The following UBE2W variants were observed in gnomAD, a reference collection of about 807,000 sequenced individuals.
The protein encoded by UBE2W is ubiquitin conjugating enzyme E2 W, also known as ubiquitin-conjugating enzyme E2 W.
In UBE2W, 18 loss-of-function variants were observed where a neutral mutation model predicts 27.2. The observed-to-expected ratio is 0.66, with a 90% CI of 0.46 to 0.98. UBE2W has a LOEUF of 0.98. Ranked by LOEUF, UBE2W falls within the 50% of genes least tolerant of loss-of-function variation. UBE2W has a pLI of 0.00. For synonymous variants in UBE2W, 53 were observed against 57.2 expected, an observed-to-expected ratio of 0.93 and a Z score of 0.33; for missense variants, 90 against 180.2, an observed-to-expected ratio of 0.50 and a Z score of 2.87.
At position 73,791,833 on chromosome 8, in the gene UBE2W, T is replaced by G; in HGVS notation, c.*2269A>C. ...TTTCATTTTCCTCTACTTTCCTCTG[T>G]GTCATTTTAGTTTACTTTATGGTAT... is the stretch of plus-strand genomic sequence containing the variant. On this transcript the variant is annotated 3_prime_UTR_variant, in exon 6 of 6. Transcript: ENST00000602593. 1 of 984,866 alleles carries G rather than the reference T, an allele frequency of 1.0e-6. No homozygotes were observed. The allele number at this position is 984,866 out of a possible 1,614,324, so 61.0% of individuals were successfully genotyped here.
chr8:73,838,752 T>G (rs1482951541), intron 1 of UBE2W, among the ~76,000 whole-genome samples: 2 of 152,196 alleles, frequency 1.3e-5, no homozygotes, highest in African/African-American at 4.8e-5. Flanking sequence ...TACCCACTTC[T>G]CCCTATTTTG....
intron 1 of UBE2W, among the ~76,000 whole-genome samples, chr8:73,833,478 G>A (rs1183091516): frequency 6.6e-6 from 1 of 152,014 alleles, no homozygotes; most frequent in African/African-American, 2.4e-5. Flanking sequence ...ATCGTTTATA[G>A]TAGAACATCA....
At chr8:73,805,459 A>AAACAAAACAAAAC (rs1808841945) in intron 5 of UBE2W, among the ~76,000 whole-genome samples, 192 bp downstream of exon 5, 3 of 134,564 alleles carry the variant, frequency 2.2e-5, no homozygotes, top group African/African-American at 8.2e-5. Flanking sequence ...CATCTCAAAA[A>AAACAAAACAAAAC]AAAAAAAAAA....
intron 3 of UBE2W, among the ~76,000 whole-genome samples, chr8:73,811,323 G>C (rs1221279374): frequency 1.3e-5 from 2 of 152,040 alleles, no homozygotes; most frequent in Non-Finnish European, 2.9e-5. Context: ...GCAATGTTTT[G>C]AATGGTAATA....
chr8:73,845,538 T>G (rs1220632751), intron 1 of UBE2W, among the ~76,000 whole-genome samples: 2 of 152,098 alleles, frequency 1.3e-5, no homozygotes, highest in African/African-American at 4.8e-5. Context: ...CACCACTCCC[T>G]AATCTCAAGT....
intron 1 of UBE2W, among the ~76,000 whole-genome samples, chr8:73,840,128 C>T (rs1475558136): frequency 6.6e-6 from 1 of 152,020 alleles, no homozygotes; most frequent in East Asian, 1.9e-4. Flanking sequence ...GCGATCTCGG[C>T]TCACTGCAAA....
intron 2 of UBE2W, among the ~76,000 whole-genome samples, chr8:73,827,274 C>T (rs974842142): frequency 6.6e-6 from 1 of 151,766 alleles, no homozygotes; most frequent in Non-Finnish European, 1.5e-5. Context: ...AGTGCAATGG[C>T]GTGATCTCGG....
At chr8:73,817,196 T>C (rs1809428537) in intron 3 of UBE2W, among the ~76,000 whole-genome samples, 1 of 151,688 alleles carries the variant, frequency 6.6e-6, no homozygotes, top group Non-Finnish European at 1.5e-5. Flanking sequence ...GGTGTGGTGG[T>C]GCACGCTTGT....
At chr8:73,834,730 G>A (rs1366002476) in intron 1 of UBE2W, among the ~76,000 whole-genome samples, 1 of 152,064 alleles carries the variant, frequency 6.6e-6, no homozygotes, top group Non-Finnish European at 1.5e-5. Context: ...GCAACATGGC[G>A]AAACCTCGTC....
At chr8:73,827,961 A>T (rs1482399570) in intron 2 of UBE2W, among the ~76,000 whole-genome samples, 1 of 152,218 alleles carries the variant, frequency 6.6e-6, no homozygotes, top group Non-Finnish European at 1.5e-5. Context: ...GGTATATTTC[A>T]TTCTAGTCAT....
Position 73,790,641 on chromosome 8 carries a change from A to T in UBE2W, c.*3461T>A, listed in dbSNP as rs1808151350. Reference sequence around the variant, plus strand: ...GACACTGAATTCTTTATTTAAAAAAATTTTTGTAACACACAGTACCTCCTC... The same window carrying T: ...GACACTGAATTCTTTATTTAAAAAATTTTTTGTAACACACAGTACCTCCTC... On this transcript the variant is annotated 3_prime_UTR_variant, in exon 6 of 6. Transcript: ENST00000602593. The T allele has an allele frequency of 3.0e-6, 3 of 984,732 alleles. No homozygotes were observed. Among genetic ancestry groups the T allele is most frequent in the Non-Finnish European group, 3.6e-6 (3 of 829,270 alleles). 61.0% of individuals were successfully genotyped at this position (984,732 alleles called of 1,614,324 possible).
rs750917639 is a variant in UBE2W, at chr8:73,794,099, G to T, written c.*3C>A. On this transcript the variant is annotated 3_prime_UTR_variant, in exon 6 of 6. Transcript: ENST00000602593. ...TTCTGCTAGGAGGATGATAACAGTG[G>T]CATCAACAAGTATCATCTTTAAGAA... is the stretch of plus-strand genomic sequence containing the variant. The T allele has an allele frequency of 1.9e-6, 3 of 1,613,218 alleles. No homozygotes were observed. The highest frequency in any genetic ancestry group is 4.5e-5 in the East Asian group (2 of 44,830).
chr8:73,821,821 CA>C (rs1809627924), intron 3 of UBE2W, among the ~76,000 whole-genome samples: 1 of 151,998 alleles, frequency 6.6e-6, no homozygotes, highest in African/African-American at 2.4e-5. Context: ...GGCAACATGG[CA>C]AGACCCCATC....
At chr8:73,855,837 T>G (rs1187729302) in intron 1 of UBE2W, among the ~76,000 whole-genome samples, 1 of 152,200 alleles carries the variant, frequency 6.6e-6, no homozygotes, top group East Asian at 1.9e-4. Flanking sequence ...AAATCATTAC[T>G]TATTAAATGA....
At chr8:73,876,829 T>C (rs1011135334) in intron 1 of UBE2W, among the ~76,000 whole-genome samples, 2 of 152,030 alleles carry the variant, frequency 1.3e-5, no homozygotes, top group African/African-American at 4.8e-5. Context: ...TAGCTGGGCG[T>C]GGTGGTTCAT....
chr8:73,844,286 T>G (rs557226270), intron 1 of UBE2W, among the ~76,000 whole-genome samples: 1 of 151,988 alleles, frequency 6.6e-6, no homozygotes, highest in East Asian at 1.9e-4. Flanking sequence ...TGCCTGGGAT[T>G]GCAGGCGCGC....
Position 73,790,244 on chromosome 8 carries a change from T to A in UBE2W, c.*3858A>T. On this transcript the variant is annotated 3_prime_UTR_variant, in exon 6 of 6. Transcript: ENST00000602593. ...AGGAAACTGCGGAAGACTGACACAT[T>A]GGACATCAGTGGGAAGAGGCAGAAA... 1.0e-6 allele frequency: 1 copy of A among 984,658 alleles called. No individual in the cohort carries two copies. The highest frequency in any genetic ancestry group is 1.2e-6 in the Non-Finnish European group (1 of 829,804). The allele number at this position is 984,658 out of a possible 1,614,324, so 61.0% of individuals were successfully genotyped here. A position where few individuals can be genotyped will look rare whatever the true frequency, so the allele number is the denominator to read the frequency against.
chr8:73,856,357 A>ATTTTTTTTTT (rs34593904), intron 1 of UBE2W, among the ~76,000 whole-genome samples: 8 of 89,360 alleles, frequency 9.0e-5, no homozygotes, highest in East Asian at 3.6e-4. Context: ...ACACTTATGA[A>ATTTTTTTTTT]TTTTTTTTTT....
At chr8:73,782,806 T>C (rs1036465375), downstream of UBE2W, among the ~76,000 whole-genome samples, 3 of 152,206 alleles carry the variant, frequency 2.0e-5, no homozygotes, top group African/African-American at 7.2e-5. Context: ...ATGGCTGATT[T>C]GTATAGTAGG....
Sources: allele counts gnomAD v4.1 joint callset (sites outside exome capture counted in the v4.1 genomes callset), GRCh38; gene constraint gnomAD v4.1.1; transcripts MANE v1.5; gene names NCBI Gene and HGNC (gene_info 2026-07-23, HGNC 2026-07-21).